The following FRYL variants were observed in gnomAD, a reference collection of about 807,000 sequenced individuals.
FRYL encodes the protein protein furry homolog-like.
In FRYL, 150 loss-of-function variants were observed where a neutral mutation model predicts 351.2. That is an observed-to-expected ratio of 0.43 (90% CI 0.37 to 0.49). FRYL has a LOEUF of 0.49. FRYL is among the 20% of genes least tolerant of loss of function. The pLI is 0.00. For missense variants in FRYL, 3,036 were observed against 3,619.3 expected, an observed-to-expected ratio of 0.84 and a Z score of 4.13; for synonymous variants, 1,153 against 1,257.1, an observed-to-expected ratio of 0.92 and a Z score of 1.75.
intron 2 of FRYL, among the ~76,000 whole-genome samples, chr4:48,687,691 A>C (rs1342608469): frequency 6.6e-6 from 1 of 152,216 alleles, no homozygotes; most frequent in Non-Finnish European, 1.5e-5. Flanking sequence ...TCTCTGATAT[A>C]CATTAACACA....
intron 3 of FRYL, among the ~76,000 whole-genome samples, chr4:48,664,263 C>G (rs1364588383): frequency 6.6e-6 from 1 of 152,118 alleles, no homozygotes; most frequent in African/African-American, 2.4e-5. Context: ...CAAGATCAGA[C>G]AGGCCACTTG....
chr4:48,703,701 C>A (rs1299053488), intron 2 of FRYL, among the ~76,000 whole-genome samples: 1 of 152,178 alleles, frequency 6.6e-6, no homozygotes, highest in Non-Finnish European at 1.5e-5. Context: ...TGTGTCCCCA[C>A]TTTTACATTC....
intron 3 of FRYL, among the ~76,000 whole-genome samples, chr4:48,672,004 AG>A (rs1762843148): frequency 6.6e-6 from 1 of 152,102 alleles, no homozygotes; most frequent in African/African-American, 2.4e-5. Context: ...CCAAATTCCT[AG>A]AATACTTTCT....
chr4:48,547,796 T>C (rs1309451905), intron 40 of FRYL, 27 bp from the exon 41 acceptor site: 1 of 1,356,030 alleles, frequency 7.4e-7, no homozygotes, highest in South Asian at 2.0e-5. Flanking sequence ...AGAAACATTA[T>C]CAATAAAGAG....
chr4:48,680,980 C>G, intron 3 of FRYL: 1 of 1,273,494 alleles, frequency 7.9e-7, no homozygotes. Context: ...GAAATTGGTT[C>G]CACCTTGCTC....
At chr4:48,658,747 CATAAATAA>C (rs10555415) in intron 3 of FRYL, among the ~76,000 whole-genome samples, 6 of 146,602 alleles carry the variant, frequency 4.1e-5, no homozygotes, top group South Asian at 4.5e-4. Context: ...GTGAGACCTT[CATAAATAA>C]ATAAATAAAT....
intron 47 of FRYL, 55 bp downstream of exon 47, chr4:48,539,916 T>C (rs1729782851): frequency 1.6e-6 from 2 of 1,289,564 alleles, no homozygotes; most frequent in South Asian, 1.2e-5. Context: ...TCCTTTAACA[T>C]AGACTACAAA....
chr4:48,733,535 TG>T (rs1389041099), intron 1 of FRYL, among the ~76,000 whole-genome samples: 1 of 152,058 alleles, frequency 6.6e-6, no homozygotes, highest in Non-Finnish European at 1.5e-5. Context: ...AAGGAACAAG[TG>T]AAGGTAAATT....
chr4:48,746,261 T>C (rs1232041839), intron 1 of FRYL, among the ~76,000 whole-genome samples: 1 of 152,192 alleles, frequency 6.6e-6, no homozygotes, highest in African/African-American at 2.4e-5. Flanking sequence ...TGAAGAGTCA[T>C]GCAGTGTTTT....
At chr4:48,731,425 A>G (rs1770711746) in intron 1 of FRYL, among the ~76,000 whole-genome samples, 1 of 152,222 alleles carries the variant, frequency 6.6e-6, no homozygotes, top group South Asian at 2.1e-4. Flanking sequence ...ACAGAATTGG[A>G]AAAAACTACT....
chr4:48,609,697 C>T, intron 8 of FRYL, 47 bp downstream of exon 8: 1 of 892,450 alleles, frequency 1.1e-6, no homozygotes, highest in Non-Finnish European at 1.8e-6. Context: ...TAGTCTAGAC[C>T]TGGATTGCAA....
rs1187143060 is a variant in FRYL at position 48,581,450 on chromosome 4, C to A, written c.2142G>T (p.Arg714=). 1 of 1,608,428 alleles carries A rather than the reference C, an allele frequency of 6.2e-7. No individual in the cohort carries two copies. Among genetic ancestry groups the A allele is most frequent in the South Asian group, 1.1e-5 (1 of 89,594 alleles). ...GTATTTCCAGAAGTGCAAATAAAGC[C>A]CGTATTTCTCTAAGGACACTGACGG... The part of the protein sequence containing the change: ...RLAVSVLREI[R]ALFALLEIPK... The change falls in exon 21 of 64, where the codon CGG becomes CGT. Residue 714 remains arginine, a synonymous_variant. Transcript: ENST00000358350.
At chr4:48,694,485 C>G (rs1338785228) in intron 2 of FRYL, among the ~76,000 whole-genome samples, 2 of 151,890 alleles carry the variant, frequency 1.3e-5, no homozygotes, top group Non-Finnish European at 2.9e-5. Flanking sequence ...TTAGGAGAGA[C>G]AGGGTTTCAC....
Position 48,582,744 on chromosome 4 carries a change from A to G in FRYL, c.1749-10T>C. 6.3e-7 allele frequency: 1 copy of G among 1,589,282 alleles called. No homozygotes were observed. The highest frequency in any genetic ancestry group is 1.1e-5 in the South Asian group (1 of 90,544). On this transcript the variant is annotated splice_polypyrimidine_tract_variant and intron_variant, in intron 19 of 63. Coordinates refer to ENST00000358350, the MANE Select transcript of FRYL (RefSeq NM_015030.2). ...CATATGAATTGTGAGCCTACCAAGA[A>G]CAAAATTCCATTAGCAAACTTCAAT... is the stretch of plus-strand genomic sequence containing the variant.
At position 48,539,990 on chromosome 4, in the gene FRYL, G is replaced by C; in HGVS notation, c.6374C>G (p.Thr2125Arg). 6.2e-7 allele frequency: 1 copy of C among 1,612,128 alleles called. No homozygotes were observed. The change falls in exon 47 of 64, where the codon ACA (threonine) becomes AGA (arginine). Residue 2125 changes from threonine to arginine, a missense_variant. Around this residue, in one of 7 missense-constraint regions of FRYL, gnomAD observed 1,987 missense variants for 2,311.7 expected, o/e 0.86. Coordinates refer to ENST00000358350, the MANE Select transcript of FRYL (RefSeq NM_015030.2). ...FDSPTQFCKE[T>R]ASRIAKVCAE... Reference sequence around the variant, plus strand: ...GCTTACCTTTGCTATTCGACTAGCTGTTTCTTTGCAAAACTGAGTTGGGCT... The same window carrying C: ...GCTTACCTTTGCTATTCGACTAGCTCTTTCTTTGCAAAACTGAGTTGGGCT...
intron 50 of FRYL, among the ~76,000 whole-genome samples, chr4:48,529,555 A>C (rs1727067301): frequency 6.6e-6 from 1 of 152,236 alleles, no homozygotes; most frequent in Non-Finnish European, 1.5e-5. Context: ...TTAACTAAAA[A>C]ATTAGTAACA....
Position 48,535,594 on chromosome 4 carries a change from C to CACACAT in FRYL, c.6564+62_6564+63insATGTGT, listed in dbSNP as rs1175735854. ...GTGTATATATATACACATACACACACACACACACACACACACACACATATA... is the reference window on the plus strand; with the variant it reads ...GTGTATATATATACACATACACACACACACATACACACACACACACACACACATATA... On this transcript the variant is annotated intron_variant, in intron 48 of 63. Coordinates refer to ENST00000358350, the MANE Select transcript of FRYL (RefSeq NM_015030.2). 67 of 893,254 alleles carry CACACAT rather than the reference C, an allele frequency of 7.5e-5. No individual in the cohort carries two copies. In the African/African-American group the frequency reaches 1.1e-3, roughly 14 times the overall value. The allele number at this position is 893,254 out of a possible 1,614,324, so 55.3% of individuals were successfully genotyped here. A position where few individuals can be genotyped will look rare whatever the true frequency, so the allele number is the denominator to read the frequency against.
chr4:48,606,519 G>A lies in FRYL; in HGVS notation c.660C>T (p.Ile220=). The change falls in exon 10 of 64, where the codon ATC becomes ATT. Residue 220 remains isoleucine, a synonymous_variant. Transcript: ENST00000358350. ...EQSPHVVQSV[I]SLIMGMKFFR... The stretch of plus-strand genomic sequence containing the variant: ...AAAATTTCATTCCCATTATTAAGCT[G>A]ATGACACTTTGTACCACATGTGGGC... 1 of 1,612,796 alleles carries A rather than the reference G, an allele frequency of 6.2e-7. No homozygotes were observed. Among genetic ancestry groups the A allele is most frequent in the South Asian group, 1.1e-5 (1 of 91,000 alleles).
intron 1 of FRYL, among the ~76,000 whole-genome samples, chr4:48,755,176 C>G (rs1001453524): frequency 6.6e-6 from 1 of 152,152 alleles, no homozygotes; most frequent in Non-Finnish European, 1.5e-5. Context: ...AGTCACATCT[C>G]CCTCACCCTT....
Sources: gnomAD v4.1 joint callset for allele counts (sites outside exome capture counted in the v4.1 genomes callset) on GRCh38, gnomAD v4.1.1 for gene constraint, gnomAD v4.1.1 regional missense constraint, MANE v1.5 for transcripts, NCBI Gene and HGNC (gene_info 2026-07-23, HGNC 2026-07-21) for gene names.